CAND2: variants seen among roughly 807,000 people sequenced by gnomAD.
CAND2 encodes the protein cullin associated and neddylation dissociated 2 (putative).
A neutral mutation model predicts 98.9 loss-of-function variants in CAND2; 62 were observed. That is an observed-to-expected ratio of 0.63 (90% CI 0.51 to 0.77). The LOEUF is 0.77. CAND2 is among the 30% of genes least tolerant of loss of function. The probability of loss-of-function intolerance (pLI) is 0.00; values close to 1 mark genes in which losing one functional copy is unlikely to be tolerated. For synonymous variants in CAND2, 770 were observed against 731.9 expected, an observed-to-expected ratio of 1.05 and a Z score of -0.84; for missense variants, 1,501 against 1,655.2, an observed-to-expected ratio of 0.91 and a Z score of 1.62.
intron 2 of CAND2, 23 bp downstream of exon 2, chr3:12,803,654 C>G: frequency 6.3e-7 from 1 of 1,578,310 alleles, no homozygotes; most frequent in Non-Finnish European, 8.6e-7. Context: ...CTCGGTGGAG[C>G]AGGAGAGGGG....
In CAND2 at chr3:12,810,194, C is replaced by T. The variant is rs1180744277; in HGVS notation, c.627C>T (p.Asp209=). The change falls in exon 5 of 15, where the codon GAC becomes GAT. Residue 209 remains aspartate, a synonymous_variant. Coordinates refer to ENST00000456430, the MANE Select transcript of CAND2 (RefSeq NM_001162499.2). ...ACCTGGCGGCCGCCTGCAGCACCGA[C>T]CTCTTCGTCGAGCTCGCTGACCACC... ...LGHLAAACST[D]LFVELADHLL... 2 of 1,540,812 alleles carry T rather than the reference C, an allele frequency of 1.3e-6. No homozygotes were observed. The highest frequency in any genetic ancestry group is 1.7e-6 in the Non-Finnish European group (2 of 1,148,488).
At chr3:12,808,453 C>A in intron 4 of CAND2, 120 bp downstream of exon 4, 1 of 1,128,306 alleles carries the variant, frequency 8.9e-7, no homozygotes, top group South Asian at 1.5e-5. Context: ...CCTTAATCAT[C>A]CCAGCAGCCT....
chr3:12,834,341 G>A lies in CAND2; in HGVS notation c.*359G>A, dbSNP rs180750251. Reference sequence around the variant, plus strand: ...GTAGTATTTAGAAATAGGCTGTGCTGTCAGCTGTAAAAGATCAGGAGGCAG... The same window carrying A: ...GTAGTATTTAGAAATAGGCTGTGCTATCAGCTGTAAAAGATCAGGAGGCAG... On this transcript the variant is annotated 3_prime_UTR_variant, in exon 15 of 15. Transcript: ENST00000456430. 139 of 231,408 alleles carry A rather than the reference G, an allele frequency of 6.0e-4. No homozygotes were observed. The highest frequency in any genetic ancestry group is 3.2e-3 in the Middle Eastern group (2 of 620). 14.3% of individuals were successfully genotyped at this position (231,408 alleles called of 1,614,324 possible). A position where few individuals can be genotyped will look rare whatever the true frequency, so the allele number is the denominator to read the frequency against.
chr3:12,826,099 G>A (rs1344408514), intron 12 of CAND2, among the ~76,000 whole-genome samples: 2 of 152,152 alleles, frequency 1.3e-5, no homozygotes, highest in African/African-American at 2.4e-5. Context: ...GACAGCCCCC[G>A]CCTTACAATG....
intron 1 of CAND2, among the ~76,000 whole-genome samples, chr3:12,801,711 C>A (rs2061768238): frequency 6.6e-6 from 1 of 152,194 alleles, no homozygotes; most frequent in African/African-American, 2.4e-5. Flanking sequence ...CAAAATATGC[C>A]CATGCCCATC....
At chr3:12,812,496 C>T (rs2124847886) in intron 5 of CAND2, among the ~76,000 whole-genome samples, 1 of 149,050 alleles carries the variant, frequency 6.7e-6, no homozygotes, top group Admixed American at 6.7e-5. Flanking sequence ...GCTCCGCTTC[C>T]CGGGTTCACG....
At position 12,810,301 on chromosome 3, in the gene CAND2, G is replaced by A; in HGVS notation, c.734G>A (p.Gly245Asp). Reference protein sequence around the residue: ...RTLIQCLGSVGRQAGHRLGAH... With the variant: ...RTLIQCLGSVDRQAGHRLGAH... ...CTGATCCAATGTTTGGGCAGCGTCG[G>A]CCGCCAGGCCGGCCACCGCCTCGGT... is the stretch of plus-strand genomic sequence containing the variant. The change falls in exon 5 of 15, where the codon GGC (glycine) becomes GAC (aspartate). Residue 245 changes from glycine to aspartate, a missense_variant. Gly to Asp is a moderately conservative substitution (Grantham distance 94, BLOSUM62 -1). Around this residue, in one of 3 missense-constraint regions of CAND2, gnomAD observed 1,427 missense variants for 1,545.3 expected, o/e 0.92. Transcript: ENST00000456430. 1 of 1,461,486 alleles carries A rather than the reference G, an allele frequency of 6.8e-7. No homozygotes were observed. Among genetic ancestry groups the A allele is most frequent in the Non-Finnish European group, 9.0e-7 (1 of 1,107,218 alleles). The allele number at this position is 1,461,486 out of a possible 1,614,324, so 90.5% of individuals were successfully genotyped here.
At chr3:12,822,397 A>G (rs1365973851) in intron 11 of CAND2, among the ~76,000 whole-genome samples, 1 of 150,896 alleles carries the variant, frequency 6.6e-6, no homozygotes, top group East Asian at 1.9e-4. Flanking sequence ...GGCTCAAGCA[A>G]TCCTCCCACT....
chr3:12,828,770 A>G (rs550296382), intron 13 of CAND2, among the ~76,000 whole-genome samples: 1 of 151,942 alleles, frequency 6.6e-6, no homozygotes, highest in East Asian at 1.9e-4. Flanking sequence ...CCCATTCAAC[A>G]CTCTATGAAT....
At chr3:12,828,208 A>G (rs2062019457) in intron 13 of CAND2, among the ~76,000 whole-genome samples, 1 of 152,062 alleles carries the variant, frequency 6.6e-6, no homozygotes. Flanking sequence ...TCTTCAATTT[A>G]TATCTTTCTA....
rs1480220391 is a variant in CAND2 at position 12,813,398 on chromosome 3, C to T, written c.1006+10C>T. The T allele has an allele frequency of 6.2e-7, 1 of 1,611,062 alleles. No homozygotes were observed. Among genetic ancestry groups the T allele is most frequent in the Non-Finnish European group, 8.5e-7 (1 of 1,178,452 alleles). ...GAATTCAGTGAGCAAGGTTGGTGGA[C>T]AGCCCATCATTGGGGTTGGAGGGTG... On this transcript the variant is annotated intron_variant, in intron 7 of 14. Transcript: ENST00000456430.
chr3:12,797,135 C>A (rs1329512102), intron 1 of CAND2, among the ~76,000 whole-genome samples: 9 of 150,346 alleles, frequency 6.0e-5, no homozygotes, highest in African/African-American at 2.2e-4. Context: ...GTGTCCGGCC[C>A]CCTTCTTCCC....
At chr3:12,831,334 T>C in intron 13 of CAND2, 131 bp from the exon 14 acceptor site, 1 of 712,488 alleles carries the variant, frequency 1.4e-6, no homozygotes, top group Non-Finnish European at 2.5e-6. Flanking sequence ...GGAGAGACTC[T>C]GGCAGGACTT....
rs371493352 is a variant in CAND2, at chr3:12,819,118, CGTCCTTGGCCTT to C, written c.2945-965_2945-954del. On this transcript the variant is annotated intron_variant, in intron 10 of 14. Transcript: ENST00000456430. ...TCCTTCTCACCTCCCTGCCTTCAGTCGTCCTTGGCCTTGTTCTTGTTTTCAGTTCACTTAATC... is the reference window on the plus strand; with the variant it reads ...TCCTTCTCACCTCCCTGCCTTCAGTCGTTCTTGTTTTCAGTTCACTTAATC... 2.7e-3 allele frequency among the ~76,000 whole-genome samples: 413 copies of C among 152,310 alleles called. 2 individuals are homozygous for C. The highest frequency in any genetic ancestry group is 9.3e-3 in the African/African-American group (388 of 41,556).
intron 5 of CAND2, among the ~76,000 whole-genome samples, chr3:12,812,298 A>G (rs561851217): frequency 7.6e-6 from 1 of 131,738 alleles, no homozygotes; most frequent in Admixed American, 8.7e-5. Flanking sequence ...ATCTTGTCTC[A>G]CTGCAACCTC....
At chr3:12,830,969 C>A (rs2062048882) in intron 13 of CAND2, among the ~76,000 whole-genome samples, 1 of 152,182 alleles carries the variant, frequency 6.6e-6, no homozygotes, top group Admixed American at 6.5e-5. Flanking sequence ...GACAATTATT[C>A]CCCTACAGGC....
chr3:12,833,783 T>G lies in CAND2; in HGVS notation c.3512T>G (p.Phe1171Cys), dbSNP rs1265700902. 6.2e-7 allele frequency: 1 copy of G among 1,614,000 alleles called. No individual in the cohort carries two copies. Among genetic ancestry groups the G allele is most frequent in the African/African-American group, 1.3e-5 (1 of 74,926 alleles). ...KVKAGSVKQE[F>C]EKQDELKRSA... ...AAAGCTGGTTCTGTGAAGCAGGAGTTTGAAAAGCAAGATGAACTGAAGCGC... is the reference window on the plus strand; with the variant it reads ...AAAGCTGGTTCTGTGAAGCAGGAGTGTGAAAAGCAAGATGAACTGAAGCGC... The change falls in exon 15 of 15, where the codon TTT becomes TGT. Residue 1171 changes from phenylalanine to cysteine, a missense_variant. By Grantham distance (205) the Phe-to-Cys change is radical. Coordinates refer to ENST00000456430, the MANE Select transcript of CAND2 (RefSeq NM_001162499.2).
At chr3:12,802,442 A>G (rs1471760217) in intron 1 of CAND2, among the ~76,000 whole-genome samples, 1 of 152,218 alleles carries the variant, frequency 6.6e-6, no homozygotes, top group Non-Finnish European at 1.5e-5. Context: ...AGCACACACC[A>G]TGTGCACTTA....
chr3:12,829,766 C>T (rs2062038224), intron 13 of CAND2, among the ~76,000 whole-genome samples: 1 of 152,126 alleles, frequency 6.6e-6, no homozygotes. Flanking sequence ...TTTATGAGAC[C>T]TGTTTTCTAG....
Sources: allele counts gnomAD v4.1 joint callset (sites outside exome capture counted in the v4.1 genomes callset), GRCh38; gene constraint gnomAD v4.1.1; regional missense constraint gnomAD v4.1.1; transcripts MANE v1.5; gene names NCBI Gene and HGNC (gene_info 2026-07-23, HGNC 2026-07-21).